Variants in NCOA3 observed in about 807,000 individuals in gnomAD.
NCOA3 encodes nuclear receptor coactivator 3.
Under a neutral mutation model 158.8 loss-of-function variants are expected in NCOA3, and 51 were observed. The observed-to-expected ratio is 0.32, with a 90% CI of 0.26 to 0.41. The LOEUF (loss-of-function observed/expected upper bound fraction) is 0.41, where lower values mean the gene tolerates loss of function less well. NCOA3 is among the 10% of genes least tolerant of loss of function. The pLI is 1.00. For synonymous variants in NCOA3, 537 were observed against 592.4 expected (o/e 0.91, Z 1.36); for missense variants, 1,510 against 1,746.6 (o/e 0.86, Z 2.41).
rs1357957031 is a variant in NCOA3 at position 47,636,538 on chromosome 20, G to A, written c.2152G>A (p.Asp718Asn). The change falls in exon 12 of 23, where the codon GAC (aspartate) becomes AAC (asparagine). Residue 718 changes from aspartate (D) to asparagine (N), a missense_variant. By Grantham distance (23) the Asp-to-Asn change is conservative. Around this residue, in one of 4 missense-constraint regions of NCOA3, gnomAD observed 1,017 missense variants for 1,098.3 expected, o/e 0.93. Transcript: ENST00000371998. ...CACCAGCAGTATAACTTCTTGTGGG[G>A]ACGGAAATGTTGTCAAGCAGGAGCA... ...KDTSSITSCG[D>N]GNVVKQEQLS... The A allele has an allele frequency of 6.8e-6, 11 of 1,614,088 alleles. No homozygotes were observed. The highest frequency in any genetic ancestry group is 8.5e-6 in the Non-Finnish European group (10 of 1,180,050).
intron 2 of NCOA3, among the ~76,000 whole-genome samples, chr20:47,617,271 A>G (rs145700444): frequency 1.6e-3 from 250 of 152,242 alleles, no homozygotes; most frequent in African/African-American, 5.8e-3. Flanking sequence ...TGTTCTTACA[A>G]TCAAACTTAG....
chr20:47,622,041 T>G (rs1203989133), intron 2 of NCOA3, among the ~76,000 whole-genome samples, 188 bp from the exon 3 acceptor site: 1 of 152,192 alleles, frequency 6.6e-6, no homozygotes, highest in African/African-American at 2.4e-5. Context: ...TTCTGCATAA[T>G]TCATATTAGA....
At chr20:47,623,689 G>T (rs1348026255) in intron 3 of NCOA3, among the ~76,000 whole-genome samples, 1 of 152,106 alleles carries the variant, frequency 6.6e-6, no homozygotes, top group African/African-American at 2.4e-5. Flanking sequence ...TGGGGAGGCT[G>T]AGTCAGGAGA....
intron 1 of NCOA3, among the ~76,000 whole-genome samples, chr20:47,513,470 A>G (rs2084180024): frequency 2.0e-5 from 3 of 152,148 alleles, no homozygotes; most frequent in Non-Finnish European, 4.4e-5. Flanking sequence ...TCAAGCCTGT[A>G]ACCTCAGCAC....
intron 18 of NCOA3, among the ~76,000 whole-genome samples, chr20:47,647,987 TTAC>T (rs2086719688): frequency 6.6e-6 from 1 of 151,434 alleles, no homozygotes; most frequent in Non-Finnish European, 1.5e-5. Context: ...TGATCTTGGC[TTAC>T]TGCAACCTCC....
At chr20:47,559,344 C>T (rs2085063257) in intron 1 of NCOA3, among the ~76,000 whole-genome samples, 1 of 152,088 alleles carries the variant, frequency 6.6e-6, no homozygotes, top group Non-Finnish European at 1.5e-5. Context: ...TCTTATACAA[C>T]CAAAAGACTG....
At chr20:47,521,579 A>G (rs2084334766) in intron 1 of NCOA3, among the ~76,000 whole-genome samples, 1 of 152,302 alleles carries the variant, frequency 6.6e-6, no homozygotes, top group Non-Finnish European at 1.5e-5. Context: ...TTGGCGGGAA[A>G]AATGGCTGTG....
At chr20:47,504,342 C>T (rs1035353206) in intron 1 of NCOA3, among the ~76,000 whole-genome samples, 2 of 152,076 alleles carry the variant, frequency 1.3e-5, no homozygotes, top group African/African-American at 2.4e-5. Context: ...TACTGTTGTA[C>T]GTGAGACCCT....
intron 22 of NCOA3, 88 bp downstream of exon 22, chr20:47,653,160 G>C: frequency 1.4e-6 from 2 of 1,457,998 alleles, no homozygotes; most frequent in African/African-American, 1.4e-5. Flanking sequence ...GAATGTCCTA[G>C]GTATATTTTA....
chr20:47,634,291 A>C, intron 10 of NCOA3, 96 bp downstream of exon 10: 1 of 1,215,418 alleles, frequency 8.2e-7, no homozygotes, highest in Non-Finnish European at 1.2e-6. Context: ...AAAATGAGAC[A>C]AAATTTAGGA....
chr20:47,596,149 C>T (rs1211474682), intron 2 of NCOA3, among the ~76,000 whole-genome samples: 1 of 152,198 alleles, frequency 6.6e-6, no homozygotes, highest in Non-Finnish European at 1.5e-5. Context: ...CGAAGTCATC[C>T]TGCTTCTATC....
chr20:47,511,449 T>C (rs1171258682), intron 1 of NCOA3, among the ~76,000 whole-genome samples: 6 of 130,740 alleles, frequency 4.6e-5, no homozygotes, highest in Non-Finnish European at 8.2e-5. Context: ...GAGTCTCTCT[T>C]TGTCACCCAG....
chr20:47,616,795 A>G (rs2086146955), intron 2 of NCOA3, among the ~76,000 whole-genome samples: 1 of 152,188 alleles, frequency 6.6e-6, no homozygotes, highest in South Asian at 2.1e-4. Flanking sequence ...GGAAACTTCA[A>G]AATATGGATG....
chr20:47,598,573 G>T (rs2146255632), intron 2 of NCOA3, among the ~76,000 whole-genome samples: 1 of 152,278 alleles, frequency 6.6e-6, no homozygotes, highest in Middle Eastern at 3.4e-3. Flanking sequence ...CTGACCTCAA[G>T]TGATCCTCCT....
At chr20:47,526,732 G>A (rs1245833929) in intron 1 of NCOA3, among the ~76,000 whole-genome samples, 2 of 152,202 alleles carry the variant, frequency 1.3e-5, no homozygotes, top group Non-Finnish European at 2.9e-5. Context: ...CTTCGGCTCG[G>A]CATCAGAGGG....
At chr20:47,525,421 CATGGCCCGTTCTCAATGAGCTGTT>C (rs2084413788) in intron 1 of NCOA3, among the ~76,000 whole-genome samples, 1 of 150,960 alleles carries the variant, frequency 6.6e-6, no homozygotes, top group South Asian at 2.1e-4. Flanking sequence ...CCATTGTCAT[CATGGCCCGTTCTCAATGAGCTGTT>C]GGGTACACCT....
chr20:47,635,829 G>A (rs943945520), intron 11 of NCOA3, 62 bp from the exon 12 acceptor site: 1 of 1,515,232 alleles, frequency 6.6e-7, no homozygotes, highest in Non-Finnish European at 8.9e-7. Flanking sequence ...GAAGAATTAA[G>A]TTGTATTTTG....
Position 47,652,445 on chromosome 20 carries a change from C to T in NCOA3, c.3986C>T (p.Ser1329Phe). The T allele has an allele frequency of 6.2e-7, 1 of 1,613,474 alleles. No individual in the cohort carries two copies. Among genetic ancestry groups the T allele is most frequent in the Non-Finnish European group, 8.5e-7 (1 of 1,179,442 alleles). The change falls in exon 21 of 23, where the codon TCT becomes TTT. Residue 1329 changes from serine to phenylalanine, a missense_variant. Ser to Phe is a radical substitution (Grantham distance 155). Transcript: ENST00000371998. Reference protein sequence around the residue: ...QQPDPAFGRVSSPPNAMMSSR... With the variant: ...QQPDPAFGRVFSPPNAMMSSR... ...CCAGATCCAGCCTTTGGTCGAGTGTCTAGTCCTCCCAATGCAATGATGTCG... is the reference window on the plus strand; with the variant it reads ...CCAGATCCAGCCTTTGGTCGAGTGTTTAGTCCTCCCAATGCAATGATGTCG...
At chr20:47,650,886 T>G in intron 19 of NCOA3, 96 bp from the exon 20 acceptor site, 1 of 1,214,476 alleles carries the variant, frequency 8.2e-7, no homozygotes, top group Non-Finnish European at 1.2e-6. Flanking sequence ...CTGGGTGTTT[T>G]CTGTCTTATA....
Sources: allele counts gnomAD v4.1 joint callset (sites outside exome capture counted in the v4.1 genomes callset), GRCh38; gene constraint gnomAD v4.1.1; regional missense constraint gnomAD v4.1.1; transcripts MANE v1.5; gene names NCBI Gene and HGNC (gene_info 2026-07-23, HGNC 2026-07-21).